HPSE2: variants seen among roughly 807,000 people sequenced by gnomAD.
HPSE2 encodes heparanase 2 (inactive), also known as inactive heparanase-2.
In HPSE2, 38 loss-of-function variants were observed where a neutral mutation model predicts 60.5. That is an observed-to-expected ratio of 0.63 (90% CI 0.48 to 0.82). The LOEUF is 0.82. Among genes scored for constraint, HPSE2 ranks in the 40% least tolerant of loss-of-function variants. The probability of loss-of-function intolerance (pLI) is 0.00; values close to 1 mark genes in which losing one functional copy is unlikely to be tolerated. For missense variants in HPSE2, 713 were observed against 740.4 expected (o/e 0.96, Z 0.43); for synonymous variants, 295 against 293.2 (o/e 1.01, Z -0.06).
At chr10:98,608,952 T>TG in intron 9 of HPSE2, among the ~76,000 whole-genome samples, 1 of 152,316 alleles carries the variant, frequency 6.6e-6, no homozygotes, top group South Asian at 2.1e-4. Flanking sequence ...ACACCCTGTG[T>TG]GGCCACTGGA....
intron 3 of HPSE2, among the ~76,000 whole-genome samples, chr10:98,818,674 T>C (rs965321926): frequency 2.0e-5 from 3 of 152,024 alleles, no homozygotes; most frequent in African/African-American, 7.3e-5. Flanking sequence ...CCTAAACCAG[T>C]AGATTAAAAC....
At chr10:99,157,025 C>A (rs1425191180) in intron 2 of HPSE2, among the ~76,000 whole-genome samples, 4 of 118,642 alleles carry the variant, frequency 3.4e-5, no homozygotes, top group African/African-American at 1.1e-4. Context: ...AATAAAATAC[C>A]TAGGAATCCA....
At chr10:98,497,607 G>A (rs1941889914) in intron 9 of HPSE2, among the ~76,000 whole-genome samples, 1 of 151,866 alleles carries the variant, frequency 6.6e-6, no homozygotes, top group African/African-American at 2.4e-5. Context: ...TTTATTTAAA[G>A]CATTTTTGAA....
intron 3 of HPSE2, among the ~76,000 whole-genome samples, chr10:99,055,828 T>G (rs1164313306): frequency 6.6e-6 from 1 of 152,082 alleles, no homozygotes; most frequent in Non-Finnish European, 1.5e-5. Flanking sequence ...GAACAGTGTT[T>G]GAAGAAGGGA....
intron 3 of HPSE2, among the ~76,000 whole-genome samples, chr10:99,029,857 A>T (rs1957460520): frequency 6.6e-6 from 1 of 151,878 alleles, no homozygotes; most frequent in Admixed American, 6.6e-5. Flanking sequence ...TCTTCTCTAA[A>T]CTCCCCCGGG....
At chr10:99,043,094 C>T (rs879404465) in intron 3 of HPSE2, among the ~76,000 whole-genome samples, 12 of 152,108 alleles carry the variant, frequency 7.9e-5, no homozygotes, top group South Asian at 2.1e-4. Flanking sequence ...ACCGACCCTC[C>T]GAAATAAGAA....
chr10:98,836,431 T>C (rs1951791747), intron 3 of HPSE2, among the ~76,000 whole-genome samples: 1 of 152,200 alleles, frequency 6.6e-6, no homozygotes, highest in African/African-American at 2.4e-5. Flanking sequence ...TCTTTATCCA[T>C]TTACATATCT....
At chr10:98,604,859 A>G (rs1945531559) in intron 9 of HPSE2, among the ~76,000 whole-genome samples, 1 of 152,220 alleles carries the variant, frequency 6.6e-6, no homozygotes, top group Admixed American at 6.5e-5. Flanking sequence ...CATTAGAGAC[A>G]GACCCAGAGC....
At chr10:99,256,458 G>A in the HPSE2 span, among the ~76,000 whole-genome samples, 2 of 147,520 alleles carry the variant, frequency 1.4e-5, no homozygotes, top group Non-Finnish European at 3.0e-5. Context: ...CCAGCGTCTC[G>A]AACCTTGAGC....
intron 3 of HPSE2, among the ~76,000 whole-genome samples, chr10:99,081,989 CA>C (rs982162429): frequency 3.3e-5 from 5 of 152,168 alleles, no homozygotes; most frequent in African/African-American, 9.7e-5. Flanking sequence ...AGCTTTATTG[CA>C]AAACCCTTCT....
intron 11 of HPSE2, among the ~76,000 whole-genome samples, chr10:98,476,958 G>A (rs565997754): frequency 9.8e-5 from 15 of 152,286 alleles, no homozygotes; most frequent in African/African-American, 3.6e-4. Context: ...TCATGACAGA[G>A]TCCAGTTATC....
intron 2 of HPSE2, among the ~76,000 whole-genome samples, chr10:99,148,741 G>C (rs1422243914): frequency 1.3e-5 from 2 of 152,118 alleles, no homozygotes; most frequent in African/African-American, 4.8e-5. Context: ...AGTGAGCCAA[G>C]ATCGCGCCAT....
rs528495973 is a variant in HPSE2 at position 98,521,292 on chromosome 10, A to G, written c.1321-31096T>C. ...CTACAAAGAACTCAAACAAATTTAC[A>G]AGAAAAAAACTCCATCAAAAAGTGG... On this transcript the variant is annotated intron_variant, in intron 9 of 11. Transcript: ENST00000370552. 1.5e-4 allele frequency among the ~76,000 whole-genome samples: 23 copies of G among 152,334 alleles called. No homozygotes were observed. In the South Asian group the frequency reaches 4.1e-3, roughly 27 times the overall value.
At chr10:99,242,460 CTAA>C in the HPSE2 span, among the ~76,000 whole-genome samples, 19 of 152,126 alleles carry the variant, frequency 1.2e-4, no homozygotes, top group Middle Eastern at 3.2e-3. Flanking sequence ...GTGATTGACT[CTAA>C]TAAGTTCAGT....
rs1043202965 is a variant in HPSE2, at chr10:98,660,972, T to G, written c.1005-19032A>C. 5.3e-5 allele frequency among the ~76,000 whole-genome samples: 8 copies of G among 152,320 alleles called. No individual in the cohort carries two copies. In the East Asian group the frequency reaches 1.5e-3, roughly 29 times the overall value. ...AAATGTAAAGAGGGAGTAGGCTGAA[T>G]TGGCACCAGAGGCCAGGACACATCT... On this transcript the variant is annotated intron_variant, in intron 6 of 11. Transcript: ENST00000370552.
At chr10:98,495,175 T>A (rs1016683425) in intron 9 of HPSE2, among the ~76,000 whole-genome samples, 88 of 150,058 alleles carry the variant, frequency 5.9e-4, no homozygotes, top group Middle Eastern at 3.4e-3. Flanking sequence ...TGTTGACAGT[T>A]TTTTTTTTTC....
At chr10:99,180,912 A>C (rs1335220878) in intron 2 of HPSE2, among the ~76,000 whole-genome samples, 3 of 149,634 alleles carry the variant, frequency 2.0e-5, no homozygotes, top group Admixed American at 6.7e-5. Context: ...AAAAAAAAAA[A>C]AAAAAACACA....
At chr10:98,700,696 A>C (rs1403307342) in intron 5 of HPSE2, among the ~76,000 whole-genome samples, 1 of 67,838 alleles carries the variant, frequency 1.5e-5, no homozygotes, top group African/African-American at 3.2e-5. Flanking sequence ...CTACTATCAG[A>C]GTGAACAGGC....
intron 3 of HPSE2, among the ~76,000 whole-genome samples, chr10:98,755,072 C>T (rs1589769815): frequency 6.6e-6 from 1 of 151,906 alleles, no homozygotes; most frequent in African/African-American, 2.4e-5. Flanking sequence ...AAAAAAGGCA[C>T]AAAGTGGCAA....
Sources: allele counts gnomAD v4.1 joint callset (sites outside exome capture counted in the v4.1 genomes callset), GRCh38; gene constraint gnomAD v4.1.1; transcripts MANE v1.5; gene names NCBI Gene and HGNC (gene_info 2026-07-23, HGNC 2026-07-21).